Variants in DNAH3 observed in about 807,000 individuals in gnomAD.
DNAH3 encodes the protein axonemal beta dynein heavy chain 3.
In DNAH3, 332 loss-of-function variants were observed where a neutral mutation model predicts 432.5. That is an observed-to-expected ratio of 0.77 (90% CI 0.70 to 0.84). The LOEUF (loss-of-function observed/expected upper bound fraction) is 0.84, where lower values mean the gene tolerates loss of function less well. Among genes scored for constraint, DNAH3 ranks in the 40% least tolerant of loss-of-function variants. The probability of loss-of-function intolerance (pLI) is 0.00; values close to 1 mark genes in which losing one functional copy is unlikely to be tolerated. For missense variants in DNAH3, 4,861 were observed against 5,114.0 expected (o/e 0.95, Z 1.51); for synonymous variants, 1,956 against 1,900.2 (o/e 1.03, Z -0.76).
chr16:20,987,401 G>A (rs1189305788), exon 47 of DNAH3: 4 of 1,614,040 alleles, frequency 2.5e-6, no homozygotes, highest in Non-Finnish European at 1.7e-6. Context: ...GATCATAGAA[G>A]ACCCGATAAA....
chr16:21,047,755 CT>C (rs2089770875), intron 31 of DNAH3, among the ~76,000 whole-genome samples: 1 of 151,812 alleles, frequency 6.6e-6, no homozygotes, highest in African/African-American at 2.4e-5. Context: ...AGGTGCTCTG[CT>C]TTTTAGAGTT....
intron 18 of DNAH3, 91 bp downstream of exon 18, chr16:21,097,264 G>A: frequency 2.0e-6 from 3 of 1,484,896 alleles, no homozygotes; most frequent in Admixed American, 1.9e-5. Context: ...AGTCCAGCCA[G>A]ATTCTTAAGT....
At chr16:21,026,508 C>T (rs1227409867) in intron 38 of DNAH3, among the ~76,000 whole-genome samples, 5 of 151,808 alleles carry the variant, frequency 3.3e-5, no homozygotes, top group African/African-American at 4.8e-5. Flanking sequence ...TGAGATCAGC[C>T]TGGCCAACAT....
chr16:21,063,607 A>T (rs1283143649), intron 24 of DNAH3, among the ~76,000 whole-genome samples: 1 of 150,744 alleles, frequency 6.6e-6, no homozygotes, highest in Admixed American at 6.6e-5. Context: ...CAGTGGTGCA[A>T]TCCTGGCTCA....
At chr16:21,097,266 T>G in intron 18 of DNAH3, 89 bp downstream of exon 18, 2 of 1,495,982 alleles carry the variant, frequency 1.3e-6, no homozygotes, top group Non-Finnish European at 1.8e-6. Context: ...TCCAGCCAGA[T>G]TCTTAAGTGC....
chr16:20,983,065 G>T, intron 48 of DNAH3, 179 bp from the exon 49 acceptor site: 1 of 594,710 alleles, frequency 1.7e-6, no homozygotes, highest in Non-Finnish European at 2.9e-6. Context: ...TAATTAGTGG[G>T]ATATTTTCAC....
chr16:21,131,039 A>T (rs374664258), intron 7 of DNAH3, among the ~76,000 whole-genome samples: 6 of 152,284 alleles, frequency 3.9e-5, no homozygotes, highest in African/African-American at 1.4e-4. Flanking sequence ...TCCCATTTGC[A>T]TGTAGAACAC....
At chr16:21,095,531 G>A (rs570300604) in intron 18 of DNAH3, among the ~76,000 whole-genome samples, 9 of 152,224 alleles carry the variant, frequency 5.9e-5, no homozygotes, top group South Asian at 2.1e-4. Context: ...TAGTTGCCAG[G>A]GGTTACAACT....
exon 37 of DNAH3, chr16:21,031,172 A>T (rs2088851356): frequency 6.2e-7 from 1 of 1,614,024 alleles, no homozygotes; most frequent in African/African-American, 1.3e-5. Flanking sequence ...ATTGGCAAGG[A>T]CACCATCCAT....
chr16:20,941,430 G>A (rs578132736), exon 59 of DNAH3: 3 of 1,613,856 alleles, frequency 1.9e-6, no homozygotes, highest in Non-Finnish European at 2.5e-6. Context: ...CCTGCCTTAG[G>A]ACGGTATTCA....
intron 49 of DNAH3, among the ~76,000 whole-genome samples, chr16:20,980,381 G>C (rs1017556830): frequency 4.0e-5 from 5 of 124,714 alleles, no homozygotes; most frequent in Non-Finnish European, 8.9e-5. Context: ...TATGTGGGGG[G>C]GGAGAGAGAG....
At chr16:20,998,400 G>T (rs746043511) in intron 43 of DNAH3, among the ~76,000 whole-genome samples, 2 of 151,964 alleles carry the variant, frequency 1.3e-5, no homozygotes. Context: ...CTACAGGTGT[G>T]CACCACCACG....
intron 7 of DNAH3, among the ~76,000 whole-genome samples, chr16:21,132,484 C>T (rs563023915): frequency 6.6e-6 from 1 of 152,316 alleles, no homozygotes; most frequent in East Asian, 1.9e-4. Flanking sequence ...AGTCTTCCAC[C>T]TCCAGGCTCA....
chr16:21,123,290 A>G (rs2092381710), intron 9 of DNAH3, among the ~76,000 whole-genome samples: 1 of 152,236 alleles, frequency 6.6e-6, no homozygotes, highest in African/African-American at 2.4e-5. Context: ...GCGCCTAATG[A>G]AATTGTCAGA....
At position 21,054,511 on chromosome 16, in the gene DNAH3, A is replaced by T. The variant is rs773516654; in HGVS notation, c.3948T>A (p.Asp1316Glu). 7.4e-6 allele frequency: 12 copies of T among 1,613,986 alleles called. No individual in the cohort carries two copies. In the South Asian group the frequency reaches 9.9e-5, roughly 13 times the overall value. Residue 1316 changes from aspartate (D) to glutamate (E), a missense_variant, in exon 28 of 62, where the codon GAT becomes GAA. Physicochemically the swap from Asp to Glu is conservative, Grantham distance 45. Coordinates refer to ENST00000261383, the Ensembl canonical transcript of DNAH3. ...CCAGCTGGACAATCTGCGCAATCTG[A>T]TCATTGCTCTTTTTCAGAAAATCCT...
At chr16:20,991,025 C>T (rs1044320242) in intron 44 of DNAH3, among the ~76,000 whole-genome samples, 1 of 151,762 alleles carries the variant, frequency 6.6e-6, no homozygotes, top group African/African-American at 2.4e-5. Context: ...TGTCTCAAAA[C>T]AAACAAACAA....
At chr16:20,991,384 A>AC (rs2086551095) in intron 44 of DNAH3, among the ~76,000 whole-genome samples, 1 of 151,636 alleles carries the variant, frequency 6.6e-6, no homozygotes, top group South Asian at 2.1e-4. Context: ...TCCTTCCTCA[A>AC]CCCCAAGTAG....
chr16:20,943,976 C>T lies in DNAH3; in HGVS notation c.11511+520G>A, dbSNP rs866607186. On this transcript the variant is annotated intron_variant, in intron 58 of 61. Coordinates refer to ENST00000261383, the Ensembl canonical transcript of DNAH3. ...TCCAGCCTAGGTAACCGAGCCAAAC[C>T]GTGTCTCAAAAAAAAAAAAGAAAAG... Among the ~76,000 whole-genome samples the T allele has an allele frequency of 5.4e-4, 81 of 150,048 alleles. 1 individual carries two copies. The highest frequency in any genetic ancestry group is 1.9e-3 in the African/African-American group (77 of 40,888).
intron 50 of DNAH3, among the ~76,000 whole-genome samples, chr16:20,978,527 G>A (rs192094499): frequency 6.6e-6 from 1 of 151,900 alleles, no homozygotes; most frequent in Non-Finnish European, 1.5e-5. Context: ...ATTGCGTCTC[G>A]AAAGAAATAA....
Sources: gnomAD v4.1 joint callset for allele counts (sites outside exome capture counted in the v4.1 genomes callset) on GRCh38, gnomAD v4.1.1 for gene constraint, MANE v1.5 for transcripts, NCBI Gene and HGNC (gene_info 2026-07-23, HGNC 2026-07-21) for gene names.